LIN7A: variants seen among roughly 807,000 people sequenced by gnomAD.
LIN7A encodes the protein protein lin-7 homolog A.
LIN7A carries 25 observed loss-of-function variants against 29.8 expected under a neutral mutation model. The observed-to-expected ratio is 0.84, with a 90% confidence interval of 0.61 to 1.17. The LOEUF is 1.17. Among genes scored for constraint, LIN7A ranks in the 50% most tolerant of loss-of-function variants. The probability of loss-of-function intolerance (pLI) is 0.00; values close to 1 mark genes in which losing one functional copy is unlikely to be tolerated. For missense variants in LIN7A, 239 were observed against 287.0 expected (o/e 0.83, Z 1.21); for synonymous variants, 118 against 107.5 (o/e 1.10, Z -0.60).
chr12:80,814,382 A>G (rs540107135), intron 4 of LIN7A, among the ~76,000 whole-genome samples: 1 of 151,768 alleles, frequency 6.6e-6, no homozygotes, highest in East Asian at 1.9e-4. Context: ...CCCTTCTCTA[A>G]TTTCTTTTTT....
chr12:80,854,188 A>T (rs575946674), intron 2 of LIN7A, among the ~76,000 whole-genome samples: 50 of 152,188 alleles, frequency 3.3e-4, no homozygotes, highest in Non-Finnish European at 5.0e-4. Flanking sequence ...TTTATTCATA[A>T]TTGGCACAAA....
chr12:80,912,759 A>G (rs1362953492), intron 1 of LIN7A, among the ~76,000 whole-genome samples: 1 of 151,856 alleles, frequency 6.6e-6, no homozygotes, highest in Admixed American at 6.6e-5. Flanking sequence ...AACACTCTAT[A>G]GAAAATATAT....
At chr12:80,923,344 T>C (rs1877415185) in intron 1 of LIN7A, among the ~76,000 whole-genome samples, 2 of 152,120 alleles carry the variant, frequency 1.3e-5, no homozygotes, top group South Asian at 4.1e-4. Context: ...CATAATTGTG[T>C]GAGCCAATTC....
intron 4 of LIN7A, among the ~76,000 whole-genome samples, chr12:80,824,514 T>C (rs1202539291): frequency 6.6e-6 from 1 of 152,194 alleles, no homozygotes; most frequent in Non-Finnish European, 1.5e-5. Context: ...AATCATTCTA[T>C]GAAGCCAGTA....
At chr12:80,811,409 ATG>A (rs1009219880) in intron 5 of LIN7A, 54 bp downstream of exon 5, 42 of 631,900 alleles carry the variant, frequency 6.6e-5, no homozygotes, top group Middle Eastern at 4.1e-4. Flanking sequence ...ATATACATAT[ATG>A]TGTGTGTGTA....
chr12:80,878,027 A>G (rs1416965664), intron 2 of LIN7A, among the ~76,000 whole-genome samples: 3 of 152,230 alleles, frequency 2.0e-5, no homozygotes, highest in African/African-American at 4.8e-5. Flanking sequence ...GTGTAAGTAC[A>G]TGTAATTATA....
chr12:80,827,509 C>T (rs921356545), intron 4 of LIN7A, among the ~76,000 whole-genome samples: 3 of 152,146 alleles, frequency 2.0e-5, no homozygotes, highest in Non-Finnish European at 4.4e-5. Context: ...AAATGCATTA[C>T]CCCATACATA....
At chr12:80,824,205 T>C (rs935431845) in intron 4 of LIN7A, among the ~76,000 whole-genome samples, 3 of 152,042 alleles carry the variant, frequency 2.0e-5, no homozygotes, top group Non-Finnish European at 2.9e-5. Flanking sequence ...ACCACAGAAA[T>C]ACAAAAGATT....
At chr12:80,900,220 AT>A (rs954029846) in intron 1 of LIN7A, among the ~76,000 whole-genome samples, 1 of 151,946 alleles carries the variant, frequency 6.6e-6, no homozygotes, top group Non-Finnish European at 1.5e-5. Context: ...AAGCTCCTGA[AT>A]TTGTTGATCT....
intron 4 of LIN7A, among the ~76,000 whole-genome samples, chr12:80,825,165 G>A (rs892273258): frequency 3.9e-5 from 6 of 152,130 alleles, no homozygotes; most frequent in Non-Finnish European, 7.4e-5. Context: ...AAGGGAAGGG[G>A]TTTTATCAGA....
chr12:80,861,689 G>A (rs572709441), intron 2 of LIN7A, among the ~76,000 whole-genome samples: 21 of 152,334 alleles, frequency 1.4e-4, no homozygotes, highest in African/African-American at 4.3e-4. Context: ...GTTGCAAAGC[G>A]AGGTGCCCAG....
chr12:80,833,940 T>C (rs2121529525), intron 4 of LIN7A, among the ~76,000 whole-genome samples: 1 of 152,316 alleles, frequency 6.6e-6, no homozygotes, highest in Middle Eastern at 3.4e-3. Flanking sequence ...GATTGCCATC[T>C]TTCCCTCTTG....
At chr12:80,852,702 TTC>T (rs1282128272) in intron 2 of LIN7A, among the ~76,000 whole-genome samples, 1 of 152,212 alleles carries the variant, frequency 6.6e-6, no homozygotes, top group African/African-American at 2.4e-5. Flanking sequence ...ATTTTGGTTG[TTC>T]TCTCTTCTAC....
chr12:80,816,076 T>C (rs1371739367), intron 4 of LIN7A, among the ~76,000 whole-genome samples: 1 of 152,158 alleles, frequency 6.6e-6, no homozygotes, highest in Non-Finnish European at 1.5e-5. Context: ...CTTCTATCTT[T>C]AGCTGATAAA....
intron 1 of LIN7A, among the ~76,000 whole-genome samples, chr12:80,896,268 C>T (rs570325434): frequency 1.3e-5 from 2 of 152,232 alleles, no homozygotes; most frequent in East Asian, 1.9e-4. Context: ...TCAGACAAAA[C>T]CAGTGTTGGT....
Position 80,811,701 on chromosome 12 carries a change from C to T in LIN7A, c.484-18G>A. On this transcript the variant is annotated intron_variant, in intron 4 of 5. Coordinates refer to ENST00000552864, the MANE Select transcript of LIN7A (RefSeq NM_004664.4). ...TCCACACTCTGAAAATACAATGACACTTCTTAAAGGGAGGAGGTTCAATGT... is the reference window on the plus strand; with the variant it reads ...TCCACACTCTGAAAATACAATGACATTTCTTAAAGGGAGGAGGTTCAATGT... 1 of 1,589,516 alleles carries T rather than the reference C, an allele frequency of 6.3e-7. No homozygotes were observed. Among genetic ancestry groups the T allele is most frequent in the East Asian group, 2.3e-5 (1 of 44,146 alleles).
chr12:80,840,502 G>T (rs901275325), intron 4 of LIN7A, among the ~76,000 whole-genome samples: 4 of 151,988 alleles, frequency 2.6e-5, no homozygotes, highest in Admixed American at 6.6e-5. Flanking sequence ...AGAGAGGGAG[G>T]AAACACTCCT....
intron 1 of LIN7A, among the ~76,000 whole-genome samples, chr12:80,917,974 C>T (rs191303837): frequency 2.0e-5 from 3 of 152,240 alleles, no homozygotes; most frequent in Non-Finnish European, 2.9e-5. Context: ...TGCTATCTTT[C>T]GTTTTACCAT....
intron 2 of LIN7A, among the ~76,000 whole-genome samples, chr12:80,873,056 G>A (rs1423050318): frequency 6.6e-6 from 1 of 152,190 alleles, no homozygotes; most frequent in African/African-American, 2.4e-5. Flanking sequence ...AGAAAGATGT[G>A]TGTGGCACTG....
Sources: gnomAD v4.1 joint callset for allele counts (sites outside exome capture counted in the v4.1 genomes callset) on GRCh38, gnomAD v4.1.1 for gene constraint, MANE v1.5 for transcripts, NCBI Gene and HGNC (gene_info 2026-07-23, HGNC 2026-07-21) for gene names.